Variants in CERT1 observed in about 807,000 individuals in gnomAD.
The protein encoded by CERT1 is ceramide transporter 1, also known as ceramide transfer protein.
CERT1 carries 31 observed loss-of-function variants against 87.9 expected under a neutral mutation model. The observed-to-expected ratio is 0.35, with a 90% CI of 0.27 to 0.48. The LOEUF (loss-of-function observed/expected upper bound fraction) is 0.48, where lower values mean the gene tolerates loss of function less well. Ranked by LOEUF, CERT1 falls within the 20% of genes least tolerant of loss-of-function variation. CERT1 has a pLI of 0.99. For missense variants in CERT1, 487 were observed against 758.0 expected, an observed-to-expected ratio of 0.64 and a Z score of 4.20; for synonymous variants, 289 against 250.9, an observed-to-expected ratio of 1.15 and a Z score of -1.44.
intron 2 of CERT1, among the ~76,000 whole-genome samples, chr5:75,491,642 G>A (rs1766803107): frequency 6.6e-6 from 1 of 152,016 alleles, no homozygotes; most frequent in South Asian, 2.1e-4. Flanking sequence ...GCGGCAATGG[G>A]GTAAAAGCAT....
chr5:75,384,565 A>C (rs1761710071), intron 14 of CERT1, 77 bp downstream of exon 14: 2 of 1,010,640 alleles, frequency 2.0e-6, no homozygotes, highest in Non-Finnish European at 3.0e-6. Context: ...AACCTCCCCA[A>C]TTTTACTTTA....
At chr5:75,444,883 G>A (rs528418352) in intron 3 of CERT1, among the ~76,000 whole-genome samples, 141 of 151,984 alleles carry the variant, frequency 9.3e-4, no homozygotes, top group Middle Eastern at 3.4e-3. Context: ...AATTTTTTTC[G>A]TATTTCCTTT....
chr5:75,474,615 C>T (rs539039799), intron 2 of CERT1, among the ~76,000 whole-genome samples: 1 of 152,162 alleles, frequency 6.6e-6, no homozygotes, highest in East Asian at 1.9e-4. Flanking sequence ...CTCATGTAGT[C>T]TATTAGACTC....
chr5:75,384,528 AG>A lies in CERT1; in HGVS notation c.1488+113del, dbSNP rs1561222848. The A allele has an allele frequency of 1.8e-4, 119 of 647,136 alleles. No homozygotes were observed. In the African/African-American group the frequency reaches 2.1e-3, roughly 11 times the overall value. The allele number at this position is 647,136 out of a possible 1,614,324, so 40.1% of individuals were successfully genotyped here. Reference sequence around the variant, plus strand: ...ACATTCATGAATCATTATTTAATAAAGTCTTTGGATTTTTGTGGCTTTTAAT... The same window carrying A: ...ACATTCATGAATCATTATTTAATAAATCTTTGGATTTTTGTGGCTTTTAAT... On this transcript the variant is annotated intron_variant, in intron 14 of 16. Coordinates refer to ENST00000643780, the MANE Select transcript of CERT1 (RefSeq NM_001379029.1).
In CERT1 at chr5:75,426,416, C is replaced by T. The variant is rs1160188820; in HGVS notation, c.411G>A (p.Val137=). The T allele has an allele frequency of 3.1e-6, 5 of 1,613,790 alleles. No individual in the cohort carries two copies. Among genetic ancestry groups the T allele is most frequent in the Non-Finnish European group, 4.2e-6 (5 of 1,179,882 alleles). Residue 137 remains valine, a synonymous_variant, in exon 4 of 17, where the codon GTG becomes GTA. Transcript: ENST00000643780. ...LRRHGSMVSL[V]SGASGYSATS... is the part of the protein sequence containing the mutation. ...TTGCAGAGTAGCCACTTGCTCCAGACACCAGGGACACCATTGAGCCATGTC... is the reference window on the plus strand; with the variant it reads ...TTGCAGAGTAGCCACTTGCTCCAGATACCAGGGACACCATTGAGCCATGTC...
intron 11 of CERT1, among the ~76,000 whole-genome samples, chr5:75,395,467 T>G (rs569548004): frequency 1.0e-3 from 149 of 145,186 alleles, no homozygotes; most frequent in Middle Eastern, 3.9e-3. Context: ...ATCACTTGTG[T>G]CCAGGAAGTC....
At chr5:75,415,068 A>G (rs1763084571) in intron 7 of CERT1, among the ~76,000 whole-genome samples, 1 of 152,088 alleles carries the variant, frequency 6.6e-6, no homozygotes, top group South Asian at 2.1e-4. Flanking sequence ...TCTACATACA[A>G]AAGATTAGAA....
intron 3 of CERT1, among the ~76,000 whole-genome samples, chr5:75,446,881 G>A (rs1764561128): frequency 6.6e-6 from 1 of 152,224 alleles, no homozygotes; most frequent in South Asian, 2.1e-4. Flanking sequence ...AGGAGAAAGA[G>A]GGCATTGGCC....
At chr5:75,493,663 T>C (rs1021902273) in intron 2 of CERT1, among the ~76,000 whole-genome samples, 8 of 152,226 alleles carry the variant, frequency 5.3e-5, no homozygotes, top group Admixed American at 4.6e-4. Flanking sequence ...AAATCTATTA[T>C]ACTGGACCTT....
At chr5:75,460,303 T>C (rs1765171200) in intron 2 of CERT1, among the ~76,000 whole-genome samples, 1 of 152,150 alleles carries the variant, frequency 6.6e-6, no homozygotes, top group Non-Finnish European at 1.5e-5. Context: ...TATCTAAAAT[T>C]AACTTCTAGG....
At chr5:75,484,329 GA>G (rs1766399629) in intron 2 of CERT1, among the ~76,000 whole-genome samples, 1 of 147,462 alleles carries the variant, frequency 6.8e-6, no homozygotes, top group Non-Finnish European at 1.5e-5. Context: ...AGGAAAGAAA[GA>G]AAAAAAAGAA....
At chr5:75,509,518 T>G (rs1302928440) in intron 1 of CERT1, among the ~76,000 whole-genome samples, 1 of 152,184 alleles carries the variant, frequency 6.6e-6, no homozygotes, top group Admixed American at 6.5e-5. Flanking sequence ...ATAGAGGTGA[T>G]CAAATACATT....
At chr5:75,470,868 A>G (rs553838172) in intron 2 of CERT1, among the ~76,000 whole-genome samples, 61 of 152,330 alleles carry the variant, frequency 4.0e-4, no homozygotes, top group African/African-American at 1.4e-3. Flanking sequence ...CGTCAGAACT[A>G]ATAAATGAAT....
At chr5:75,493,312 ATCATT>A (rs1283806114) in intron 2 of CERT1, among the ~76,000 whole-genome samples, 3 of 152,226 alleles carry the variant, frequency 2.0e-5, no homozygotes, top group African/African-American at 4.8e-5. Flanking sequence ...TTCTAAACAT[ATCATT>A]TCATCTGTAG....
intron 3 of CERT1, among the ~76,000 whole-genome samples, chr5:75,440,704 T>G (rs113935774): frequency 3.7e-4 from 57 of 152,178 alleles, no homozygotes; most frequent in African/African-American, 8.9e-4. Flanking sequence ...AACTCAGGGC[T>G]AAAAAGCTGA....
chr5:75,450,467 T>C (rs1213006369), intron 3 of CERT1, among the ~76,000 whole-genome samples: 2 of 152,206 alleles, frequency 1.3e-5, no homozygotes, highest in Non-Finnish European at 2.9e-5. Flanking sequence ...CTTTGACATA[T>C]TTTGAAATGG....
chr5:75,374,196 A>AG, downstream of CERT1: 3 of 397,720 alleles, frequency 7.5e-6, no homozygotes, highest in Non-Finnish European at 8.7e-6. Context: ...CAGTCACTGA[A>AG]GGAAAAAAAA....
chr5:75,381,570 T>C (rs1761587359), intron 15 of CERT1, among the ~76,000 whole-genome samples: 1 of 151,868 alleles, frequency 6.6e-6, no homozygotes, highest in Non-Finnish European at 1.5e-5. Flanking sequence ...GGTCTAACCA[T>C]GTTGCCCAGG....
chr5:75,442,229 G>A (rs1183016525), intron 3 of CERT1, among the ~76,000 whole-genome samples: 1 of 152,144 alleles, frequency 6.6e-6, no homozygotes, highest in African/African-American at 2.4e-5. Context: ...TGTCCAGTAT[G>A]CTTACATTTC....
Sources: gnomAD v4.1 joint callset for allele counts (sites outside exome capture counted in the v4.1 genomes callset) on GRCh38, gnomAD v4.1.1 for gene constraint, MANE v1.5 for transcripts, NCBI Gene and HGNC (gene_info 2026-07-23, HGNC 2026-07-21) for gene names.